The following ZNF789 variants were observed in gnomAD, a reference collection of about 807,000 sequenced individuals.
The protein encoded by ZNF789 is zinc finger protein 789.
Under a neutral mutation model 15.6 loss-of-function variants are expected in ZNF789, and 11 were observed. That is an observed-to-expected ratio of 0.70 (90% CI 0.44 to 1.16). The LOEUF (loss-of-function observed/expected upper bound fraction) is 1.16. ZNF789 is among the 50% of genes most tolerant of loss of function. The probability of loss-of-function intolerance (pLI) is 0.00; values close to 1 mark genes in which losing one functional copy is unlikely to be tolerated. For synonymous variants in ZNF789, 159 were observed against 176.0 expected (o/e 0.90, Z 0.76); for missense variants, 461 against 512.6 (o/e 0.90, Z 0.97).
In ZNF789 at chr7:99,483,970, C is replaced by A. The variant is rs1799776251; in HGVS notation, c.152-60C>A. ...TCCTTATCTCTGCTTGCCACTGAGC[C>A]CCGGGCCATGTCTCTGTAACTCACT... On this transcript the variant is annotated intron_variant, in intron 3 of 4. Transcript: ENST00000331410. 3.6e-6 allele frequency: 5 copies of A among 1,371,546 alleles called. No individual in the cohort carries two copies. The Admixed American group carries it at 8.4e-5, about 23-fold the overall frequency. 85.0% of individuals were successfully genotyped at this position (1,371,546 alleles called of 1,614,324 possible). A position where few individuals can be genotyped will look rare whatever the true frequency, so the allele number is the denominator to read the frequency against.
intron 2 of ZNF789, among the ~76,000 whole-genome samples, chr7:99,477,988 T>C (rs1799424666): frequency 6.6e-6 from 1 of 152,054 alleles, no homozygotes; most frequent in Non-Finnish European, 1.5e-5. Flanking sequence ...AAACAAAAAA[T>C]GGAACTTTTA....
At position 99,487,396 on chromosome 7, in the gene ZNF789, C is replaced by T. The variant is rs770645164; in HGVS notation, c.1186C>T (p.Pro396Ser). 2.9e-5 allele frequency: 47 copies of T among 1,614,120 alleles called. No individual in the cohort carries two copies. The highest frequency in any genetic ancestry group is 3.3e-5 in the Non-Finnish European group (39 of 1,180,056). The change falls in exon 5 of 5, where the codon CCC becomes TCC. Residue 396 changes from proline (P) to serine (S), a missense_variant. By Grantham distance (74) the Pro-to-Ser change is moderately conservative. Coordinates refer to ENST00000331410, the MANE Select transcript of ZNF789 (RefSeq NM_213603.3). ...TCAGGTCATTCACACTGGAAGCCAA[C>T]CCTACCAATGTGTCATATGTGGAAA... ...RHQVIHTGSQ[P>S]YQCVICGKSF...
chr7:99,484,276 C>T (rs1025088944), intron 4 of ZNF789, 133 bp downstream of exon 4: 24 of 642,794 alleles, frequency 3.7e-5, no homozygotes, highest in African/African-American at 3.3e-4. Flanking sequence ...ATCCCTACTG[C>T]CCTGTGAAGT....
intron 2 of ZNF789, chr7:99,478,308 G>A (rs1202855166): frequency 1.6e-6 from 2 of 1,289,728 alleles, no homozygotes; most frequent in South Asian, 2.5e-5. Context: ...AGGTCAGATT[G>A]AGGACATGGC....
At chr7:99,475,210 T>C (rs1046508521) in intron 1 of ZNF789, among the ~76,000 whole-genome samples, 4 of 151,998 alleles carry the variant, frequency 2.6e-5, no homozygotes, top group African/African-American at 9.7e-5. Flanking sequence ...CTGACCAACA[T>C]GGTGAAACCC....
Position 99,474,401 on chromosome 7 carries a change from T to C in ZNF789, c.-55+1345T>C, listed in dbSNP as rs563155444. The stretch of plus-strand genomic sequence containing the variant: ...CGAGGTCAGGAGATCAAGACCATCC[T>C]GGCTAACACGGTGAAACCCCGTCTC... On this transcript the variant is annotated intron_variant, in intron 1 of 4. Transcript: ENST00000331410. Among the ~76,000 whole-genome samples, 861 of 152,244 alleles carry C rather than the reference T, an allele frequency of 5.7e-3. 6 individuals are homozygous for C. Among genetic ancestry groups the C allele is most frequent in the African/African-American group, 0.02 (812 of 41,550 alleles).
At chr7:99,483,499 G>T (rs987072830) in intron 3 of ZNF789, among the ~76,000 whole-genome samples, 1 of 151,610 alleles carries the variant, frequency 6.6e-6, no homozygotes, top group Non-Finnish European at 1.5e-5. Context: ...GCGTGGGGGC[G>T]CTGTGCCTGT....
intron 1 of ZNF789, among the ~76,000 whole-genome samples, chr7:99,473,303 A>C (rs1799121426): frequency 6.6e-6 from 1 of 152,186 alleles, no homozygotes; most frequent in Admixed American, 6.6e-5. Flanking sequence ...CGTGGTTGTT[A>C]GTGGAAGGTG....
At chr7:99,479,590 C>G in intron 2 of ZNF789, 71 bp from the exon 3 acceptor site, 1 of 1,498,044 alleles carries the variant, frequency 6.7e-7, no homozygotes, top group Admixed American at 2.3e-5. Flanking sequence ...TTGGTTTCCT[C>G]AGCTGTGGAA....
intron 3 of ZNF789, chr7:99,482,262 A>G (rs1233162065): frequency 3.9e-6 from 3 of 778,770 alleles, no homozygotes; most frequent in African/African-American, 3.4e-5. Flanking sequence ...TAAGAGCGAA[A>G]TGACCACAGC....
intron 4 of ZNF789, chr7:99,485,064 G>A: frequency 1.1e-6 from 1 of 912,032 alleles, no homozygotes; most frequent in Non-Finnish European, 1.6e-6. Context: ...AGCTCTTAGG[G>A]CACCCTGGAT....
intron 2 of ZNF789, among the ~76,000 whole-genome samples, chr7:99,478,010 G>A (rs895087107): frequency 6.6e-6 from 1 of 152,122 alleles, no homozygotes; most frequent in Non-Finnish European, 1.5e-5. Flanking sequence ...GCAACATTTG[G>A]TGCCCATCTG....
chr7:99,474,376 C>A (rs1327743932), intron 1 of ZNF789, among the ~76,000 whole-genome samples: 1 of 152,138 alleles, frequency 6.6e-6, no homozygotes, highest in Non-Finnish European at 1.5e-5. Context: ...GGGAGGATCA[C>A]GAGGTCAGGA....
chr7:99,484,626 AAT>A (rs139088086), intron 4 of ZNF789, among the ~76,000 whole-genome samples: 3 of 150,992 alleles, frequency 2.0e-5, no homozygotes, highest in Admixed American at 1.3e-4. Context: ...TCAATTAAAA[AAT>A]ATATATATAT....
chr7:99,486,730 A>C lies in ZNF789; in HGVS notation c.520A>C (p.Arg174=). 6.2e-7 allele frequency: 1 copy of C among 1,614,268 alleles called. No homozygotes were observed. The highest frequency in any genetic ancestry group is 8.5e-7 in the Non-Finnish European group (1 of 1,180,050). ...QNAQTRWKQG[R]YDEDGKPFNQ... The stretch of plus-strand genomic sequence containing the variant: ...TGCGCAAACAAGGTGGAAGCAGGGC[A>C]GATATGATGAGGATGGCAAACCCTT... Residue 174 remains arginine (R), a synonymous_variant, in exon 5 of 5, where the codon AGA becomes CGA. Coordinates refer to ENST00000331410, the MANE Select transcript of ZNF789 (RefSeq NM_213603.3).
rs376594915 is a variant in ZNF789, at chr7:99,487,532, C to T, written c.*44C>T. 1.9e-6 allele frequency: 3 copies of T among 1,561,108 alleles called. No individual in the cohort carries two copies. Among genetic ancestry groups the T allele is most frequent in the Non-Finnish European group, 2.6e-6 (3 of 1,153,870 alleles). ...CATTGGAGAACTAGAACTTATAAAC[C>T]TCTACTTCAAGTGTGTATCACGTAA... On this transcript the variant is annotated 3_prime_UTR_variant, in exon 5 of 5. Transcript: ENST00000331410.
Position 99,487,207 on chromosome 7 carries a change from C to T in ZNF789, c.997C>T (p.Gln333Ter). The change falls in exon 5 of 5, where the codon CAG becomes TAG. Residue 333 changes from glutamine to a stop codon, truncating the protein, a stop_gained. Transcript: ENST00000331410. LOFTEE classifies it low-confidence loss of function (END_TRUNC). Reference sequence around the variant, plus strand: ...GCATTCAACCCTTCTATGTCATCAACAGATTCACAGTAAACCGAACACCCA... The same window carrying T: ...GCATTCAACCCTTCTATGTCATCAATAGATTCACAGTAAACCGAACACCCA... ...GRHSTLLCHQQIHSKPNTHKC... is the reference protein window; with the variant it reads ...GRHSTLLCHQ The T allele has an allele frequency of 6.2e-7, 1 of 1,614,180 alleles. No homozygotes were observed. Among genetic ancestry groups the T allele is most frequent in the Non-Finnish European group, 8.5e-7 (1 of 1,180,042 alleles).
At chr7:99,478,214 T>C in intron 2 of ZNF789, 4 of 1,196,068 alleles carry the variant, frequency 3.3e-6, no homozygotes, top group Non-Finnish European at 3.3e-6. Flanking sequence ...GGAGTTACCA[T>C]GCCACAATGA....
At chr7:99,485,574 G>A (rs1247144000) in intron 4 of ZNF789, among the ~76,000 whole-genome samples, 1 of 152,214 alleles carries the variant, frequency 6.6e-6, no homozygotes, top group African/African-American at 2.4e-5. Flanking sequence ...GCTCACACCT[G>A]TAATCCCAAC....
Sources: allele counts gnomAD v4.1 joint callset (sites outside exome capture counted in the v4.1 genomes callset), GRCh38; gene constraint gnomAD v4.1.1; transcripts MANE v1.5; gene names NCBI Gene and HGNC (gene_info 2026-07-23, HGNC 2026-07-21).